LY96: variants seen among roughly 807,000 people sequenced by gnomAD.
LY96 encodes lymphocyte antigen 96, also known as myeloid differentiation protein-2.
Under a neutral mutation model 18.9 loss-of-function variants are expected in LY96, and 18 were observed. The ratio of observed to expected loss-of-function variants is 0.95; its 90% CI spans 0.66 to 1.41. The LOEUF (loss-of-function observed/expected upper bound fraction) is 1.41. Among genes scored for constraint, LY96 ranks in the 40% most tolerant of loss-of-function variants. The pLI is 0.00. For missense variants in LY96, 175 were observed against 182.4 expected, an observed-to-expected ratio of 0.96 and a Z score of 0.23; for synonymous variants, 66 against 62.6, an observed-to-expected ratio of 1.06 and a Z score of -0.26.
At chr8:73,994,652 A>G (rs1816084655) in intron 1 of LY96, among the ~76,000 whole-genome samples, 1 of 152,086 alleles carries the variant, frequency 6.6e-6, no homozygotes, top group Non-Finnish European at 1.5e-5. Context: ...ATGTCTGGCT[A>G]ATTTTTAAGT....
At chr8:74,001,999 CT>C (rs1563710513) in intron 1 of LY96, among the ~76,000 whole-genome samples, 871 of 38,148 alleles carry the variant, frequency 0.023, 26 homozygotes, top group African/African-American at 0.05. Context: ...TCCCTCCTTT[CT>C]TCCTTTCTTC....
the LY96 span, among the ~76,000 whole-genome samples, chr8:74,051,662 G>T: frequency 6.6e-6 from 1 of 152,140 alleles, no homozygotes; most frequent in South Asian, 2.1e-4. Flanking sequence ...GAGCCTTTAT[G>T]AATGGGATTA....
chr8:74,044,178 A>G, the LY96 span, among the ~76,000 whole-genome samples: 1 of 151,908 alleles, frequency 6.6e-6, no homozygotes, highest in East Asian at 1.9e-4. Flanking sequence ...TTTGTACATA[A>G]AAAAAATTTT....
the LY96 span, among the ~76,000 whole-genome samples, chr8:74,038,871 T>C: frequency 9.2e-5 from 14 of 152,262 alleles, no homozygotes; most frequent in African/African-American, 3.4e-4. Context: ...TTCTTCTGGG[T>C]AATCCAGTGG....
the LY96 span, chr8:74,055,767 G>C: frequency 1.3e-5 from 2 of 152,300 alleles, no homozygotes; most frequent in African/African-American, 2.4e-5. Flanking sequence ...GGAGCAGAAA[G>C]AGAAGTCAGA....
the LY96 span, among the ~76,000 whole-genome samples, chr8:74,081,101 C>CTT: frequency 1.5e-5 from 2 of 130,846 alleles, no homozygotes. Context: ...TTCTTTCTTT[C>CTT]TTTCTTTCTT....
the LY96 span, among the ~76,000 whole-genome samples, chr8:74,090,251 A>G: frequency 1.3e-5 from 2 of 152,174 alleles, no homozygotes; most frequent in African/African-American, 2.4e-5. Flanking sequence ...TAGGAAAACC[A>G]TAAACTCCCA....
chr8:74,056,083 T>C, the LY96 span: 1 of 165,890 alleles, frequency 6.0e-6, no homozygotes, highest in Non-Finnish European at 1.3e-5. Flanking sequence ...GTTGTGATAT[T>C]GAGGTAAGCC....
chr8:74,088,326 T>TA, the LY96 span, among the ~76,000 whole-genome samples: 13 of 152,314 alleles, frequency 8.5e-5, no homozygotes, highest in Admixed American at 3.3e-4. Context: ...CCATGGTTCT[T>TA]ACTCCTTTTT....
At chr8:74,044,267 C>T in the LY96 span, among the ~76,000 whole-genome samples, 1 of 151,420 alleles carries the variant, frequency 6.6e-6, no homozygotes, top group Non-Finnish European at 1.5e-5. Context: ...CTGTAACCTC[C>T]AACTCCTAGG....
chr8:73,995,555 A>G (rs7822054), intron 1 of LY96, among the ~76,000 whole-genome samples: 76,226 of 152,022 alleles, frequency 0.5, 19,439 homozygotes, highest in African/African-American at 0.6. Context: ...TGGGGACGAG[A>G]GGAATGAGGA....
chr8:74,079,843 C>G, the LY96 span, among the ~76,000 whole-genome samples: 3 of 152,080 alleles, frequency 2.0e-5, no homozygotes, highest in African/African-American at 7.2e-5. Flanking sequence ...AACCACTGCA[C>G]TCAGCCTTAG....
At chr8:74,005,489 C>T (rs914911035) in intron 2 of LY96, among the ~76,000 whole-genome samples, 8 of 152,206 alleles carry the variant, frequency 5.3e-5, no homozygotes, top group African/African-American at 1.9e-4. Flanking sequence ...AACAATCTTA[C>T]AGGTATATCC....
chr8:74,020,503 T>C (rs907286861), intron 3 of LY96, among the ~76,000 whole-genome samples: 39 of 152,164 alleles, frequency 2.6e-4, no homozygotes, highest in African/African-American at 9.2e-4. Context: ...CCCAAGGTAA[T>C]TTATAGATTC....
intron 2 of LY96, among the ~76,000 whole-genome samples, chr8:74,009,186 G>A (rs142908478): frequency 0.011 from 1,624 of 151,740 alleles, 20 homozygotes; most frequent in African/African-American, 0.028. Context: ...CACGAGGTCA[G>A]GAGTTCAAGA....
At chr8:73,998,675 C>T (rs967372749) in intron 1 of LY96, among the ~76,000 whole-genome samples, 1 of 150,742 alleles carries the variant, frequency 6.6e-6, no homozygotes, top group Admixed American at 6.6e-5. Context: ...AGAGTGAAAT[C>T]CTGTCTCTTC....
rs539379362 is a variant in LY96 at position 73,996,894 on chromosome 8, G to A, written c.112+5340G>A. Among the ~76,000 whole-genome samples, 13 of 149,078 alleles carry A rather than the reference G, an allele frequency of 8.7e-5. No homozygotes were observed. The South Asian group carries it at 1.7e-3, about 20-fold the overall frequency. The stretch of plus-strand genomic sequence containing the variant: ...TGAGTAGCAGGGATTACAGGCCTGC[G>A]CCACCACACCCGGCTAATTTTTGTG... On this transcript the variant is annotated intron_variant, in intron 1 of 4. Coordinates refer to ENST00000284818, the MANE Select transcript of LY96 (RefSeq NM_015364.5).
the LY96 span, among the ~76,000 whole-genome samples, chr8:74,071,764 T>C: frequency 1.4e-3 from 208 of 152,330 alleles, 2 homozygotes; most frequent in African/African-American, 4.3e-3. Context: ...GAGAATTATG[T>C]AAACAATATG....
chr8:73,997,263 A>G (rs1413659828), intron 1 of LY96, among the ~76,000 whole-genome samples: 1 of 152,130 alleles, frequency 6.6e-6, no homozygotes, highest in Non-Finnish European at 1.5e-5. Flanking sequence ...CTATTACATT[A>G]TTGTATTAGT....
Sources: allele counts gnomAD v4.1 joint callset (sites outside exome capture counted in the v4.1 genomes callset), GRCh38; gene constraint gnomAD v4.1.1; transcripts MANE v1.5; gene names NCBI Gene and HGNC (gene_info 2026-07-23, HGNC 2026-07-21).